DYNC2H1: variants seen among roughly 807,000 people sequenced by gnomAD.
DYNC2H1 encodes the protein dynein cytoplasmic 2 heavy chain 1.
In DYNC2H1, 410 loss-of-function variants were observed where a neutral mutation model predicts 570.0. The ratio of observed to expected loss-of-function variants is 0.72; its 90% CI spans 0.66 to 0.78. DYNC2H1 has a LOEUF of 0.78. Ranked by LOEUF, DYNC2H1 falls within the 30% of genes least tolerant of loss-of-function variation. DYNC2H1 has a pLI of 0.00. For synonymous variants in DYNC2H1, 1,688 were observed against 1,677.6 expected, an observed-to-expected ratio of 1.01 and a Z score of -0.15; for missense variants, 4,865 against 5,046.4, an observed-to-expected ratio of 0.96 and a Z score of 1.09.
intron 38 of DYNC2H1, among the ~76,000 whole-genome samples, chr11:103,178,073 A>G (rs539873362): frequency 3.3e-5 from 5 of 152,262 alleles, no homozygotes; most frequent in Admixed American, 1.3e-4. Context: ...AACTAGATTA[A>G]TTTACTGAAT....
chr11:103,280,287 CTA>C lies in DYNC2H1; in HGVS notation c.10696-59_10696-58del. The C allele has an allele frequency of 1.3e-6, 2 of 1,508,996 alleles. No individual in the cohort carries two copies. The highest frequency in any genetic ancestry group is 1.8e-6 in the Non-Finnish European group (2 of 1,110,706). The allele number at this position is 1,508,996 out of a possible 1,614,324, so 93.5% of individuals were successfully genotyped here. On this transcript the variant is annotated intron_variant, in intron 70 of 88. Transcript: ENST00000375735. This position sits in a 1 kb window ranked among gnomAD's most constrained non-coding sequence, Gnocchi z 4.7. Reference sequence around the variant, plus strand: ...ATTTTTGTGTGCCAAATTTTAACGACTATGCTTTTCCAAAGACACAAATTTTT... The same window carrying C: ...ATTTTTGTGTGCCAAATTTTAACGACTGCTTTTCCAAAGACACAAATTTTT...
chr11:103,342,804 G>A (rs1234385672), intron 82 of DYNC2H1, among the ~76,000 whole-genome samples: 1 of 152,086 alleles, frequency 6.6e-6, no homozygotes, highest in East Asian at 1.9e-4. Flanking sequence ...ACCTTTAAGA[G>A]CTGTAACACT....
At position 103,399,686 on chromosome 11, in the gene DYNC2H1, A is replaced by G. The variant is rs1942556811; in HGVS notation, c.12180A>G (p.Lys4060=). 1 of 1,613,102 alleles carries G rather than the reference A, an allele frequency of 6.2e-7. No individual in the cohort carries two copies. Among genetic ancestry groups the G allele is most frequent in the Non-Finnish European group, 8.5e-7 (1 of 1,179,384 alleles). ...AGAATTCAAACCTAATACATCAGAA[A>G]GTGCCTCCTCCTAACGATCGACAAG... The part of the protein sequence containing the change: ...LNQNSNLIHQ[K]VPPPNDRQGS... The change falls in exon 84 of 89, where the codon AAA becomes AAG. Residue 4060 remains lysine (K), a synonymous_variant. Coordinates refer to ENST00000375735, the MANE Select transcript of DYNC2H1 (RefSeq NM_001377.3).
At chr11:103,341,599 C>G (rs777087010) in intron 82 of DYNC2H1, among the ~76,000 whole-genome samples, 2 of 152,138 alleles carry the variant, frequency 1.3e-5, no homozygotes, top group Non-Finnish European at 2.9e-5. Context: ...AATTCTTAGG[C>G]ACCCTTAATT....
Position 103,399,645 on chromosome 11 carries a change from A to G in DYNC2H1, c.12157-18A>G, listed in dbSNP as rs1468245312. 6 of 1,573,680 alleles carry G rather than the reference A, an allele frequency of 3.8e-6. No homozygotes were observed. In the East Asian group the frequency reaches 1.1e-4, roughly 29 times the overall value. ...TCTGTGTTACTATTCGGTAAATATT[A>G]TGACATTTTTCTTTTAGAATTCAAA... On this transcript the variant is annotated intron_variant, in intron 83 of 88. Coordinates refer to ENST00000375735, the MANE Select transcript of DYNC2H1 (RefSeq NM_001377.3).
intron 63 of DYNC2H1, among the ~76,000 whole-genome samples, chr11:103,240,371 T>C (rs1864381246): frequency 6.6e-6 from 1 of 152,162 alleles, no homozygotes; most frequent in Non-Finnish European, 1.5e-5. Flanking sequence ...CATCTAATCA[T>C]ATTGATAACC....
At chr11:103,345,792 C>T (rs1053176821) in intron 82 of DYNC2H1, among the ~76,000 whole-genome samples, 4 of 152,070 alleles carry the variant, frequency 2.6e-5, no homozygotes, top group African/African-American at 9.7e-5. Flanking sequence ...AAATAGACTA[C>T]TGGGGAGTAA....
chr11:103,212,707 T>C (rs1863205634), intron 54 of DYNC2H1, among the ~76,000 whole-genome samples: 1 of 152,094 alleles, frequency 6.6e-6, no homozygotes, highest in Non-Finnish European at 1.5e-5. Flanking sequence ...TTAGTTTCCC[T>C]TTGTTAGGGT....
intron 17 of DYNC2H1, among the ~76,000 whole-genome samples, chr11:103,141,310 C>T (rs1479266942): frequency 2.0e-5 from 3 of 152,156 alleles, no homozygotes; most frequent in Non-Finnish European, 4.4e-5. Context: ...AGTTTTTCTG[C>T]TCTGTTTTTT....
rs1263918466 is a variant in DYNC2H1, at chr11:103,268,033, A to G, written c.10695+8056A>G. ...TATACATTTTTTGTTCTTATACATG[A>G]CTATAGTGAATATCCTATATGGTAC... On this transcript the variant is annotated intron_variant, in intron 70 of 88. Coordinates refer to ENST00000375735, the MANE Select transcript of DYNC2H1 (RefSeq NM_001377.3). The surrounding 1 kb of genome is among the most constrained non-coding windows in gnomAD (Gnocchi z 4.6). Among the ~76,000 whole-genome samples the G allele has an allele frequency of 1.3e-5, 2 of 151,994 alleles. No homozygotes were observed. The highest frequency in any genetic ancestry group is 2.1e-4 in the South Asian group (1 of 4,826).
rs1938392162 is a variant in DYNC2H1 at position 103,324,906 on chromosome 11, T to A, written c.12039+916T>A. On this transcript the variant is annotated intron_variant, in intron 82 of 88. Coordinates refer to ENST00000375735, the MANE Select transcript of DYNC2H1 (RefSeq NM_001377.3). This position sits in a 1 kb window ranked among gnomAD's most constrained non-coding sequence, Gnocchi z 5.2. ...TTTGACTTTTTAATAATAGCCAGTC[T>A]GATGGGCATGAGATGGTATCTCATT... is the stretch of plus-strand genomic sequence containing the variant. 6.6e-6 allele frequency among the ~76,000 whole-genome samples: 1 copy of A among 152,218 alleles called. No homozygotes were observed. The highest frequency in any genetic ancestry group is 1.9e-4 in the East Asian group (1 of 5,208).
rs1472746148 is a variant in DYNC2H1 at position 103,153,384 on chromosome 11, C to A, written c.3178C>A (p.Gln1060Lys). 13 of 1,552,178 alleles carry A rather than the reference C, an allele frequency of 8.4e-6. No individual in the cohort carries two copies. Among genetic ancestry groups the A allele is most frequent in the East Asian group, 2.4e-5 (1 of 41,430 alleles). Residue 1060 changes from glutamine to lysine, a missense_variant, in exon 22 of 89, where the codon CAA becomes AAA. By Grantham distance (53) the Gln-to-Lys change is moderately conservative. This residue lies in a region of DYNC2H1 where 1,936 missense variants were observed against 1,962.1 expected (regional missense o/e 0.99). Coordinates refer to ENST00000375735, the MANE Select transcript of DYNC2H1 (RefSeq NM_001377.3). ...ELEKFKARWDQLKPGDDVIET... is the reference protein window; with the variant it reads ...ELEKFKARWDKLKPGDDVIET... Reference sequence around the variant, plus strand: ...GGAAAAATTTAAAGCTCGTTGGGACCAACTAAAGCCTGGTGATGATGTTAT... The same window carrying A: ...GGAAAAATTTAAAGCTCGTTGGGACAAACTAAAGCCTGGTGATGATGTTAT...
chr11:103,436,593 C>G (rs532612872), intron 85 of DYNC2H1, among the ~76,000 whole-genome samples: 5 of 152,230 alleles, frequency 3.3e-5, no homozygotes, highest in African/African-American at 1.2e-4. Flanking sequence ...GTTTTAACCA[C>G]ATTAACGTCT....
chr11:103,126,422 T>G (rs1302340165), intron 12 of DYNC2H1, among the ~76,000 whole-genome samples: 1 of 152,204 alleles, frequency 6.6e-6, no homozygotes, highest in Non-Finnish European at 1.5e-5. Context: ...TGAGAATCAC[T>G]GGTCTAGTGG....
In DYNC2H1 at chr11:103,186,548, C is replaced by T. The variant is rs772729514; in HGVS notation, c.6893+47C>T. On this transcript the variant is annotated intron_variant, in intron 42 of 88. Transcript: ENST00000375735. The surrounding 1 kb of genome is among the most constrained non-coding windows in gnomAD (Gnocchi z 4.5). ...GTATATGTTGTGGATTTATTCCTGC[C>T]GCCCCTAATTGATTTAATGGCTTTT... 7 of 1,573,090 alleles carry T rather than the reference C, an allele frequency of 4.4e-6. No homozygotes were observed. The highest frequency in any genetic ancestry group is 2.3e-5 in the South Asian group (2 of 87,230).
rs559147124 is a variant in DYNC2H1 at position 103,434,506 on chromosome 11, A to G, written c.12367-1437A>G. ...GAAGTCCTTTTAAGTTTTCACTTAC[A>G]TTCTCCTAAAGATCCCTCCAGCTTC... On this transcript the variant is annotated intron_variant, in intron 84 of 88. Coordinates refer to ENST00000375735, the MANE Select transcript of DYNC2H1 (RefSeq NM_001377.3). 6.7e-5 allele frequency among the ~76,000 whole-genome samples: 10 copies of G among 149,774 alleles called. No individual in the cohort carries two copies. The South Asian group carries it at 1.9e-3, about 29-fold the overall frequency.
chr11:103,227,561 C>T (rs546558759), intron 59 of DYNC2H1, among the ~76,000 whole-genome samples: 61 of 152,152 alleles, frequency 4.0e-4, no homozygotes, highest in African/African-American at 1.2e-3. Flanking sequence ...GATATAATTT[C>T]GATTTTCTTA....
At chr11:103,190,686 T>A (rs1043369985) in intron 45 of DYNC2H1, among the ~76,000 whole-genome samples, 38 of 152,204 alleles carry the variant, frequency 2.5e-4, no homozygotes, top group South Asian at 8.3e-4. Flanking sequence ...TTCCTTTTTT[T>A]AAAAAAATAA....
intron 83 of DYNC2H1, among the ~76,000 whole-genome samples, chr11:103,379,738 G>A (rs1019324967): frequency 1.3e-5 from 2 of 152,168 alleles, no homozygotes; most frequent in African/African-American, 4.8e-5. Context: ...GATTCTGTGA[G>A]GACTTTCTAA....
Sources: gnomAD v4.1 joint callset for allele counts (sites outside exome capture counted in the v4.1 genomes callset) on GRCh38, gnomAD v4.1.1 for gene constraint, gnomAD v4.1.1 regional missense constraint, Gnocchi (gnomAD v3.1) non-coding constraint, MANE v1.5 for transcripts, NCBI Gene and HGNC (gene_info 2026-07-23, HGNC 2026-07-21) for gene names.